Variants in C4orf46 observed in about 807,000 individuals in gnomAD.
C4orf46 encodes chromosome 4 open reading frame 46.
A neutral mutation model predicts 9.1 loss-of-function variants in C4orf46; 8 were observed. The ratio of observed to expected loss-of-function variants is 0.88; its 90% confidence interval spans 0.52 to 1.59. The LOEUF is 1.59. Among genes scored for constraint, C4orf46 ranks in the 40% most tolerant of loss-of-function variants. The pLI is 0.00. For synonymous variants in C4orf46, 51 were observed against 58.8 expected, an observed-to-expected ratio of 0.87 and a Z score of 0.61; for missense variants, 151 against 139.1, an observed-to-expected ratio of 1.09 and a Z score of -0.43.
At chr4:158,669,829 G>A (rs1561230719) in intron 1 of C4orf46, 61 bp from the exon 2 acceptor site, 2 of 1,397,382 alleles carry the variant, frequency 1.4e-6, no homozygotes, top group East Asian at 2.4e-5. Flanking sequence ...TTTATAAGCA[G>A]GCTGAAAATA....
In C4orf46 at chr4:158,669,778, A is replaced by G; in HGVS notation, c.187-10T>C. 1 of 1,582,190 alleles carries G rather than the reference A, an allele frequency of 6.3e-7. No individual in the cohort carries two copies. The highest frequency in any genetic ancestry group is 8.6e-7 in the Non-Finnish European group (1 of 1,169,256). ...TTAATGAAAAGGCTGCCTAAAAAAA[A>G]AAAGTCAAACATAATTTTATTTTTA... On this transcript the variant is annotated splice_polypyrimidine_tract_variant and intron_variant, in intron 1 of 1. Coordinates refer to ENST00000379205, the MANE Select transcript of C4orf46 (RefSeq NM_001008393.4).
chr4:158,669,008 ATACATTTCC>A lies in C4orf46; in HGVS notation c.*596_*604del, dbSNP rs1464018679. On this transcript the variant is annotated 3_prime_UTR_variant, in exon 2 of 2. Coordinates refer to ENST00000379205, the MANE Select transcript of C4orf46 (RefSeq NM_001008393.4). ...CTTCAAGTCAAAAAAGTTCAGATTC[ATACATTTCC>A]TAGAGAAACAATGACAGTCTTCATG... is the stretch of plus-strand genomic sequence containing the variant. The A allele has an allele frequency of 6.6e-6, 1 of 152,262 alleles. No homozygotes were observed. The highest frequency in any genetic ancestry group is 1.5e-5 in the Non-Finnish European group (1 of 68,040). 9.4% of individuals were successfully genotyped at this position (152,262 alleles called of 1,614,324 possible).
chr4:158,669,215 T>A lies in C4orf46; in HGVS notation c.*398A>T, dbSNP rs1156314077. ...GGAGCTGGATCCACCACTGGCAACC[T>A]TAAAGTTACCTCCCTTGGTCCTTAA... is the stretch of plus-strand genomic sequence containing the variant. On this transcript the variant is annotated 3_prime_UTR_variant, in exon 2 of 2. Transcript: ENST00000379205. The A allele has an allele frequency of 6.4e-6, 1 of 155,634 alleles. No individual in the cohort carries two copies. The highest frequency in any genetic ancestry group is 1.4e-5 in the Non-Finnish European group (1 of 70,542). 9.6% of individuals were successfully genotyped at this position (155,634 alleles called of 1,614,324 possible).
chr4:158,669,878 T>G, intron 1 of C4orf46, 110 bp from the exon 2 acceptor site: 1 of 880,466 alleles, frequency 1.1e-6, no homozygotes. Context: ...TTATTTTCTT[T>G]CAAAGTAATC....
intron 1 of C4orf46, 98 bp from the exon 2 acceptor site, chr4:158,669,866 T>A: frequency 1.0e-6 from 1 of 965,100 alleles, no homozygotes. Flanking sequence ...CCAATGCCCA[T>A]GTTATTTTCT....
In C4orf46 at chr4:158,671,797, G is replaced by A. The variant is rs575518153; in HGVS notation, c.5C>T (p.Ala2Val). 4 of 1,538,578 alleles carry A rather than the reference G, an allele frequency of 2.6e-6. No homozygotes were observed. Among genetic ancestry groups the A allele is most frequent in the Non-Finnish European group, 3.5e-6 (4 of 1,140,552 alleles). M[A>V]DPEELQVSSP... ...AGAAACCTGCAACTCCTCAGGGTCG[G>A]CCATGGGGAAGGGTTGGGACCGCGG... Residue 2 changes from alanine to valine, a missense_variant, in exon 1 of 2, where the codon GCC (alanine) becomes GTC (valine). Coordinates refer to ENST00000379205, the MANE Select transcript of C4orf46 (RefSeq NM_001008393.4).
At chr4:158,671,488 G>A in intron 1 of C4orf46, 128 bp downstream of exon 1, 2 of 968,454 alleles carry the variant, frequency 2.1e-6, no homozygotes, top group Admixed American at 3.5e-5. Context: ...GCACGCTCTG[G>A]GGCGCAGAAG....
chr4:158,670,288 G>A (rs1392834721), intron 1 of C4orf46, among the ~76,000 whole-genome samples: 1 of 152,084 alleles, frequency 6.6e-6, no homozygotes, highest in Non-Finnish European at 1.5e-5. Context: ...CTCCCAAAGT[G>A]CTGGGATTAC....
In C4orf46 at chr4:158,669,376, G is replaced by T. The variant is rs973890483; in HGVS notation, c.*237C>A. 3 of 370,330 alleles carry T rather than the reference G, an allele frequency of 8.1e-6. No individual in the cohort carries two copies. Among genetic ancestry groups the T allele is most frequent in the Non-Finnish European group, 1.5e-5 (3 of 204,476 alleles). The allele number at this position is 370,330 out of a possible 1,614,324, so 22.9% of individuals were successfully genotyped here. Reference sequence around the variant, plus strand: ...TATTGATGAAGTTAACTTTCATAAAGGATTCTATGAAAGTTCAGAGGCATA... The same window carrying T: ...TATTGATGAAGTTAACTTTCATAAATGATTCTATGAAAGTTCAGAGGCATA... On this transcript the variant is annotated 3_prime_UTR_variant, in exon 2 of 2. Transcript: ENST00000379205.
rs767081751 is a variant in C4orf46, at chr4:158,671,606, CCA to C, written c.186+8_186+9del. On this transcript the variant is annotated splice_region_variant and intron_variant, in intron 1 of 1. Transcript: ENST00000379205. ...GCCGAGGGGGGACGCGGTCCCGACA[CCA>C]CACTCACGTCTCCGATCTGCAGCTC... 1 of 1,526,112 alleles carries C rather than the reference CCA, an allele frequency of 6.6e-7. No homozygotes were observed. The highest frequency in any genetic ancestry group is 1.2e-5 in the South Asian group (1 of 80,440). The allele number at this position is 1,526,112 out of a possible 1,614,324, so 94.5% of individuals were successfully genotyped here. A position where few individuals can be genotyped will look rare whatever the true frequency, so the allele number is the denominator to read the frequency against.
chr4:158,671,005 A>C (rs1308215638), intron 1 of C4orf46, among the ~76,000 whole-genome samples: 1 of 152,190 alleles, frequency 6.6e-6, no homozygotes, highest in East Asian at 1.9e-4. Flanking sequence ...CAAAGGGAGG[A>C]GTCCTGAACT....
rs991335615 is a variant in C4orf46 at position 158,668,575 on chromosome 4, C to T, written c.*1038G>A. ...GACACACAACACAAAACACCAAAAGCAACATAAGATACAGGATGCAAAATA... is the reference window on the plus strand; with the variant it reads ...GACACACAACACAAAACACCAAAAGTAACATAAGATACAGGATGCAAAATA... On this transcript the variant is annotated 3_prime_UTR_variant, in exon 2 of 2. Coordinates refer to ENST00000379205, the MANE Select transcript of C4orf46 (RefSeq NM_001008393.4). 2.6e-5 allele frequency: 4 copies of T among 152,138 alleles called. No homozygotes were observed. Among genetic ancestry groups the T allele is most frequent in the Non-Finnish European group, 5.9e-5 (4 of 68,008 alleles). 9.4% of individuals were successfully genotyped at this position (152,138 alleles called of 1,614,324 possible). A position where few individuals can be genotyped will look rare whatever the true frequency, so the allele number is the denominator to read the frequency against.
At chr4:158,670,023 C>CTTTTTTTTTTTTTTT (rs767110704) in intron 1 of C4orf46, among the ~76,000 whole-genome samples, 626 of 17,602 alleles carry the variant, frequency 0.036, 36 homozygotes, top group African/African-American at 0.059. Context: ...TAGTTGTTTT[C>CTTTTTTTTTTTTTTT]TTTTTTTTTT....
In C4orf46 at chr4:158,667,406, G is replaced by A. The variant is rs1176946413; in HGVS notation, c.*2207C>T. ...AAAAAGCAAATCATTATGAAAGATT[G>A]GTAAAATTACGTTTTTAAAAATTCA... On this transcript the variant is annotated 3_prime_UTR_variant, in exon 2 of 2. Coordinates refer to ENST00000379205, the MANE Select transcript of C4orf46 (RefSeq NM_001008393.4). 1 of 151,860 alleles carries A rather than the reference G, an allele frequency of 6.6e-6. No homozygotes were observed. The highest frequency in any genetic ancestry group is 1.9e-4 in the East Asian group (1 of 5,184). 9.4% of individuals were successfully genotyped at this position (151,860 alleles called of 1,614,324 possible).
In C4orf46 at chr4:158,669,250, C is replaced by T. The variant is rs566361242; in HGVS notation, c.*363G>A. ...CTCCCTTGGTCCTTAAGATGAAACG[C>T]AACTTCAAAGTCTGCCATGCTTAGC... On this transcript the variant is annotated 3_prime_UTR_variant, in exon 2 of 2. Transcript: ENST00000379205. 6.2e-6 allele frequency: 1 copy of T among 160,204 alleles called. No individual in the cohort carries two copies. The highest frequency in any genetic ancestry group is 1.8e-4 in the East Asian group (1 of 5,584). 9.9% of individuals were successfully genotyped at this position (160,204 alleles called of 1,614,324 possible).
At chr4:158,671,552 G>A (rs993839778) in intron 1 of C4orf46, 64 bp downstream of exon 1, 2 of 1,390,912 alleles carry the variant, frequency 1.4e-6, no homozygotes, top group East Asian at 2.7e-5. Context: ...AGCCTCGCGA[G>A]CCCCGCCGCC....
rs1364890712 is a variant in C4orf46, at chr4:158,669,324, A to G, written c.*289T>C. 1 of 235,892 alleles carries G rather than the reference A, an allele frequency of 4.2e-6. No homozygotes were observed. Among genetic ancestry groups the G allele is most frequent in the East Asian group, 8.9e-5 (1 of 11,286 alleles). 14.6% of individuals were successfully genotyped at this position (235,892 alleles called of 1,614,324 possible). On this transcript the variant is annotated 3_prime_UTR_variant, in exon 2 of 2. Coordinates refer to ENST00000379205, the MANE Select transcript of C4orf46 (RefSeq NM_001008393.4). The stretch of plus-strand genomic sequence containing the variant: ...GTCTACCTAGTTTGCTACTGGTAGC[A>G]CTGTGGCTCTATTAATATTAACCGT...
At chr4:158,671,583 C>G in intron 1 of C4orf46, 33 bp downstream of exon 1, 1 of 1,452,036 alleles carries the variant, frequency 6.9e-7, no homozygotes, top group East Asian at 2.6e-5. Flanking sequence ...CCAGAGGCGC[C>G]GAGGGGGGAC....
intron 1 of C4orf46, among the ~76,000 whole-genome samples, 197 bp downstream of exon 1, chr4:158,671,419 G>A (rs1773540059): frequency 6.6e-6 from 1 of 152,206 alleles, no homozygotes; most frequent in Non-Finnish European, 1.5e-5. Flanking sequence ...AAATCTAAAG[G>A]GGGAACCCTC....
Sources: allele counts gnomAD v4.1 joint callset (sites outside exome capture counted in the v4.1 genomes callset), GRCh38; gene constraint gnomAD v4.1.1; transcripts MANE v1.5; gene names NCBI Gene and HGNC (gene_info 2026-07-23, HGNC 2026-07-21).